Variants in CELF2 observed in about 807,000 individuals in gnomAD.
The protein encoded by CELF2 is CUG triplet repeat RNA-binding protein 2.
In CELF2, 8 loss-of-function variants were observed where a neutral mutation model predicts 62.6. That is an observed-to-expected ratio of 0.13 (90% CI 0.07 to 0.23). CELF2 has a LOEUF of 0.23. Ranked by LOEUF, CELF2 falls within the 10% of genes least tolerant of loss-of-function variation. The pLI is 1.00. For missense variants in CELF2, 333 were observed against 671.0 expected, an observed-to-expected ratio of 0.50 and a Z score of 5.56; for synonymous variants, 258 against 250.0, an observed-to-expected ratio of 1.03 and a Z score of -0.30.
the CELF2 span, among the ~76,000 whole-genome samples, chr10:10,501,063 G>T: frequency 2.6e-5 from 4 of 152,228 alleles, no homozygotes; most frequent in Non-Finnish European, 5.9e-5. Flanking sequence ...GGGCTATGAT[G>T]AATTAAGCTG....
intron 2 of CELF2, among the ~76,000 whole-genome samples, chr10:11,215,147 G>A (rs959713679): frequency 6.6e-6 from 1 of 152,230 alleles, no homozygotes; most frequent in African/African-American, 2.4e-5. Flanking sequence ...TCATGTTTTA[G>A]TATGTAAATA....
intron 2 of CELF2, among the ~76,000 whole-genome samples, chr10:10,924,806 A>T (rs2065306133): frequency 6.8e-6 from 1 of 146,646 alleles, no homozygotes; most frequent in African/African-American, 2.6e-5. Flanking sequence ...CCCAATACCT[A>T]GAACACTGGC....
chr10:10,504,965 G>A, the CELF2 span, among the ~76,000 whole-genome samples: 8 of 152,058 alleles, frequency 5.3e-5, no homozygotes, highest in Admixed American at 5.2e-4. Flanking sequence ...GCTTGTTGAA[G>A]TATTTTTATC....
intron 3 of CELF2, among the ~76,000 whole-genome samples, chr10:11,225,815 C>T (rs981401922): frequency 1.3e-5 from 2 of 152,170 alleles, no homozygotes; most frequent in Non-Finnish European, 2.9e-5. Flanking sequence ...GTAAGTGACT[C>T]CTCTGTGTTT....
intron 1 of CELF2, among the ~76,000 whole-genome samples, chr10:11,126,644 T>C (rs980374074): frequency 6.6e-6 from 1 of 152,226 alleles, no homozygotes; most frequent in Admixed American, 6.5e-5. Flanking sequence ...GTGCTGTCAA[T>C]ATACAAAACA....
the CELF2 span, among the ~76,000 whole-genome samples, chr10:10,494,763 C>A: frequency 6.6e-6 from 1 of 152,020 alleles, no homozygotes; most frequent in Non-Finnish European, 1.5e-5. Flanking sequence ...CTATCAAAGG[C>A]CTCTATAAAA....
At chr10:10,642,733 G>T in the CELF2 span, among the ~76,000 whole-genome samples, 1 of 152,278 alleles carries the variant, frequency 6.6e-6, no homozygotes, top group Non-Finnish European at 1.5e-5. Context: ...AATAGTAAAA[G>T]TTCCCAGAAG....
intron 1 of CELF2, among the ~76,000 whole-genome samples, chr10:11,048,150 C>T (rs2063203294): frequency 6.6e-6 from 1 of 152,176 alleles, no homozygotes; most frequent in Non-Finnish European, 1.5e-5. Context: ...TGTAGCTTTT[C>T]TCAGTCACTA....
At chr10:10,771,827 G>A in the CELF2 span, among the ~76,000 whole-genome samples, 192 of 152,282 alleles carry the variant, frequency 1.3e-3, no homozygotes, top group African/African-American at 4.2e-3. Context: ...TCTCAGCAGC[G>A]TGAAAACGGA....
At chr10:10,971,149 CT>C (rs1329688912) in intron 2 of CELF2, among the ~76,000 whole-genome samples, 1 of 152,170 alleles carries the variant, frequency 6.6e-6, no homozygotes, top group Non-Finnish European at 1.5e-5. Context: ...GTCATATCTG[CT>C]TCTCTGGCTG....
In CELF2 at chr10:11,165,207, A is replaced by G; in HGVS notation, c.75-279A>G. On this transcript the variant is annotated intron_variant, in intron 1 of 12. Coordinates refer to ENST00000633077, the MANE Select transcript of CELF2 (RefSeq NM_001326342.2). The surrounding 1 kb of genome is among the most constrained non-coding windows in gnomAD (Gnocchi z 7.4). ...CTTGCAGCTGCCTCCCGAGCCTCCA[A>G]GATGTCCACGCCCTGGGTGACAGGC... The G allele has an allele frequency of 7.8e-7, 1 of 1,284,712 alleles. No individual in the cohort carries two copies. The highest frequency in any genetic ancestry group is 1.5e-5 in the African/African-American group (1 of 65,580). 79.6% of individuals were successfully genotyped at this position (1,284,712 alleles called of 1,614,324 possible).
At chr10:10,638,653 G>A in the CELF2 span, among the ~76,000 whole-genome samples, 73 of 152,328 alleles carry the variant, frequency 4.8e-4, no homozygotes, top group African/African-American at 1.7e-3. Context: ...CTTACTAAAG[G>A]ACAGGCTATT....
At chr10:10,469,050 AT>A in the CELF2 span, among the ~76,000 whole-genome samples, 1 of 151,884 alleles carries the variant, frequency 6.6e-6, no homozygotes, top group African/African-American at 2.4e-5. Context: ...CATAATATGC[AT>A]TTTTCATGAA....
intron 1 of CELF2, among the ~76,000 whole-genome samples, chr10:11,116,081 G>T (rs368785068): frequency 8.5e-5 from 13 of 152,298 alleles, no homozygotes; most frequent in Non-Finnish European, 1.6e-4. Context: ...AATCCTGTGG[G>T]ACAGTATTCG....
the CELF2 span, among the ~76,000 whole-genome samples, chr10:10,499,650 C>T: frequency 1.1e-4 from 16 of 152,082 alleles, no homozygotes; most frequent in African/African-American, 2.4e-4. Context: ...GAGGCCAAGG[C>T]GGGCAGATCA....
chr10:10,737,040 G>A, the CELF2 span, among the ~76,000 whole-genome samples: 139 of 152,100 alleles, frequency 9.1e-4, 1 homozygote, highest in Admixed American at 4.1e-3. Context: ...ACCCTATGAC[G>A]GATGAGCCAT....
At chr10:11,064,234 T>A (rs916540249) in intron 1 of CELF2, among the ~76,000 whole-genome samples, 2 of 152,210 alleles carry the variant, frequency 1.3e-5, no homozygotes, top group African/African-American at 4.8e-5. Flanking sequence ...GTTTTCCAAA[T>A]CATTTCACAG....
chr10:11,246,186 G>A lies in CELF2; in HGVS notation c.355-2967G>A, dbSNP rs781100526. On this transcript the variant is annotated intron_variant, in intron 3 of 12. Coordinates refer to ENST00000633077, the MANE Select transcript of CELF2 (RefSeq NM_001326342.2). The surrounding 1 kb of genome is among the most constrained non-coding windows in gnomAD (Gnocchi z 4.6). ...GTTTGTCCCTGTTTTTTATGTGGAT[G>A]CGTATCGACCGCCATGATAGACTGC... Among the ~76,000 whole-genome samples, 11 of 152,038 alleles carry A rather than the reference G, an allele frequency of 7.2e-5. No individual in the cohort carries two copies. Among genetic ancestry groups the A allele is most frequent in the Non-Finnish European group, 8.8e-5 (6 of 68,020 alleles).
chr10:10,596,309 G>T, the CELF2 span, among the ~76,000 whole-genome samples: 1 of 151,620 alleles, frequency 6.6e-6, no homozygotes, highest in Non-Finnish European at 1.5e-5. Flanking sequence ...TCATTATAAT[G>T]TTCGCTTTGA....
Sources: gnomAD v4.1 joint callset for allele counts (sites outside exome capture counted in the v4.1 genomes callset) on GRCh38, gnomAD v4.1.1 for gene constraint, Gnocchi (gnomAD v3.1) non-coding constraint, MANE v1.5 for transcripts, NCBI Gene and HGNC (gene_info 2026-07-23, HGNC 2026-07-21) for gene names.